Variants in EFCAB11 observed in about 807,000 individuals in gnomAD.
The protein encoded by EFCAB11 is EF-hand calcium binding domain 11.
A neutral mutation model predicts 23.0 loss-of-function variants in EFCAB11; 14 were observed. The ratio of observed to expected loss-of-function variants is 0.61; its 90% confidence interval spans 0.40 to 0.95. The LOEUF (loss-of-function observed/expected upper bound fraction) is 0.95. EFCAB11 is among the 40% of genes least tolerant of loss of function. EFCAB11 has a pLI of 0.00. For synonymous variants in EFCAB11, 65 were observed against 66.6 expected (o/e 0.98, Z 0.11); for missense variants, 198 against 195.8 (o/e 1.01, Z -0.07).
intron 5 of EFCAB11, among the ~76,000 whole-genome samples, chr14:89,816,763 T>C (rs1886350149): frequency 6.6e-6 from 1 of 152,118 alleles, no homozygotes; most frequent in Non-Finnish European, 1.5e-5. Context: ...GAAAGAAACA[T>C]CATTAATTGC....
At chr14:89,836,137 T>C (rs11850807) in intron 5 of EFCAB11, among the ~76,000 whole-genome samples, 10,627 of 152,036 alleles carry the variant, frequency 0.07, 400 homozygotes, top group South Asian at 0.11. Context: ...AGGTTTACAG[T>C]CTGAGAAAAC....
intron 5 of EFCAB11, among the ~76,000 whole-genome samples, chr14:89,880,917 T>C (rs1888578124): frequency 1.3e-5 from 2 of 152,178 alleles, no homozygotes; most frequent in Admixed American, 1.3e-4. Context: ...GGAAAGTTAC[T>C]GTGCTTCTGC....
At chr14:89,822,530 G>C (rs1437627377) in intron 5 of EFCAB11, among the ~76,000 whole-genome samples, 2 of 152,176 alleles carry the variant, frequency 1.3e-5, no homozygotes, top group Non-Finnish European at 1.5e-5. Context: ...GAGAGGCTGA[G>C]AGTCTAGAAT....
chr14:89,810,173 G>A (rs1886104431), intron 5 of EFCAB11, among the ~76,000 whole-genome samples: 1 of 152,202 alleles, frequency 6.6e-6, no homozygotes, highest in South Asian at 2.1e-4. Flanking sequence ...ATTTGGCACA[G>A]TGTCTGGCAC....
At chr14:89,804,801 T>G (rs1171225656) in intron 5 of EFCAB11, among the ~76,000 whole-genome samples, 4 of 152,166 alleles carry the variant, frequency 2.6e-5, no homozygotes, top group Non-Finnish European at 5.9e-5. Context: ...CTCTGAAGTT[T>G]GAAGTTCCAA....
chr14:89,872,006 G>A lies in EFCAB11; in HGVS notation c.410+59535C>T, dbSNP rs531536664. On this transcript the variant is annotated intron_variant, in intron 5 of 5. Coordinates refer to ENST00000316738, the MANE Select transcript of EFCAB11 (RefSeq NM_145231.4). The stretch of plus-strand genomic sequence containing the variant: ...AGGCTAGGCAGTGATTACATATGGA[G>A]AGATGGGCCCTGAACTAATGACTAA... Among the ~76,000 whole-genome samples, 3 of 152,332 alleles carry A rather than the reference G, an allele frequency of 2.0e-5. No individual in the cohort carries two copies. The South Asian group carries it at 6.2e-4, about 32-fold the overall frequency.
chr14:89,929,897 T>C (rs1157409198), intron 5 of EFCAB11, among the ~76,000 whole-genome samples: 1 of 152,226 alleles, frequency 6.6e-6, no homozygotes, highest in East Asian at 1.9e-4. Flanking sequence ...TTTTCAAAAA[T>C]CTCTATAAGG....
chr14:89,893,179 C>T (rs1421467836), intron 5 of EFCAB11, among the ~76,000 whole-genome samples: 2 of 152,202 alleles, frequency 1.3e-5, no homozygotes, highest in East Asian at 3.9e-4. Context: ...GAGAAGCCAG[C>T]GTCAGGAAGC....
chr14:89,866,805 T>A lies in EFCAB11; in HGVS notation c.410+64736A>T, dbSNP rs1566789571. Reference sequence around the variant, plus strand: ...TTTTTAAAAATGTTTTATTTATCTTTTTTTTATTTTTATTTTTTTGAGAGT... The same window carrying A: ...TTTTTAAAAATGTTTTATTTATCTTATTTTTATTTTTATTTTTTTGAGAGT... On this transcript the variant is annotated intron_variant, in intron 5 of 5. Coordinates refer to ENST00000316738, the MANE Select transcript of EFCAB11 (RefSeq NM_145231.4). 2.0e-5 allele frequency among the ~76,000 whole-genome samples: 3 copies of A among 152,186 alleles called. No homozygotes were observed. In the South Asian group the frequency reaches 6.2e-4, roughly 32 times the overall value.
intron 5 of EFCAB11, among the ~76,000 whole-genome samples, chr14:89,845,685 T>G (rs1320983772): frequency 6.6e-6 from 1 of 152,092 alleles, no homozygotes; most frequent in East Asian, 1.9e-4. Flanking sequence ...CCCCTGGCAG[T>G]GAAGGGCACT....
In EFCAB11 at chr14:89,849,583, T is replaced by C. The variant is rs74080147; in HGVS notation, c.411-52259A>G. On this transcript the variant is annotated intron_variant, in intron 5 of 5. Transcript: ENST00000316738. ...CTGTAGCTTCCGTAATAAGTATGCA[T>C]TGCTTTTGTAACAAGGAAATCTGTT... Among the ~76,000 whole-genome samples, 625 of 150,918 alleles carry C rather than the reference T, an allele frequency of 4.1e-3. 2 individuals carry two copies. The highest frequency in any genetic ancestry group is 0.014 in the African/African-American group (594 of 41,238).
In EFCAB11 at chr14:89,796,130, T is replaced by G. The variant is rs1035266683; in HGVS notation, c.*1113A>C. On this transcript the variant is annotated 3_prime_UTR_variant, in exon 6 of 6. Transcript: ENST00000316738. The stretch of plus-strand genomic sequence containing the variant: ...CTAAAGGGTTCTGCAAACATGTCTC[T>G]TGCCCCCAGTACCCTCATCACCCTG... 6.6e-6 allele frequency: 1 copy of G among 152,376 alleles called. No individual in the cohort carries two copies. Among genetic ancestry groups the G allele is most frequent in the East Asian group, 1.9e-4 (1 of 5,192 alleles). The allele number at this position is 152,376 out of a possible 1,614,324, so 9.4% of individuals were successfully genotyped here.
intron 5 of EFCAB11, among the ~76,000 whole-genome samples, chr14:89,820,099 A>G (rs1886460318): frequency 6.6e-6 from 1 of 152,194 alleles, no homozygotes; most frequent in African/African-American, 2.4e-5. Flanking sequence ...ATACAATATT[A>G]TTACAGCTAT....
intron 5 of EFCAB11, among the ~76,000 whole-genome samples, chr14:89,813,758 GT>G (rs1288998327): frequency 6.6e-6 from 1 of 151,844 alleles, no homozygotes; most frequent in Non-Finnish European, 1.5e-5. Context: ...GAAAATTCAT[GT>G]TTGATAAAAT....
At chr14:89,808,174 T>C (rs994135858) in intron 5 of EFCAB11, among the ~76,000 whole-genome samples, 8 of 152,186 alleles carry the variant, frequency 5.3e-5, no homozygotes, top group Non-Finnish European at 1.2e-4. Context: ...CCGGGAGTCC[T>C]GGCAATGAAT....
Position 89,796,671 on chromosome 14 carries a change from G to C in EFCAB11, c.*572C>G, listed in dbSNP as rs187596699. 1 of 152,494 alleles carries C rather than the reference G, an allele frequency of 6.6e-6. No homozygotes were observed. The allele number at this position is 152,494 out of a possible 1,614,324, so 9.4% of individuals were successfully genotyped here. On this transcript the variant is annotated 3_prime_UTR_variant, in exon 6 of 6. Coordinates refer to ENST00000316738, the MANE Select transcript of EFCAB11 (RefSeq NM_145231.4). ...TTGCTTGGAACATAGTAAGTATTCT[G>C]TATGTGTAGGTGCTATTATTTGTTC...
intron 5 of EFCAB11, among the ~76,000 whole-genome samples, chr14:89,822,379 T>G (rs1886551640): frequency 6.6e-6 from 1 of 152,188 alleles, no homozygotes; most frequent in Non-Finnish European, 1.5e-5. Context: ...CTGGCAGGAG[T>G]AGGTATTTAG....
intron 5 of EFCAB11, among the ~76,000 whole-genome samples, chr14:89,815,408 T>G (rs1053453064): frequency 3.9e-5 from 6 of 152,130 alleles, no homozygotes; most frequent in Non-Finnish European, 8.8e-5. Flanking sequence ...GTATCATAAT[T>G]AAAGGAATTT....
intron 5 of EFCAB11, among the ~76,000 whole-genome samples, chr14:89,808,377 G>A (rs192892484): frequency 6.6e-6 from 1 of 152,154 alleles, no homozygotes; most frequent in Admixed American, 6.5e-5. Context: ...ATAGATCTTG[G>A]TTATAGAAAA....
Sources: allele counts gnomAD v4.1 joint callset (sites outside exome capture counted in the v4.1 genomes callset), GRCh38; gene constraint gnomAD v4.1.1; transcripts MANE v1.5; gene names NCBI Gene and HGNC (gene_info 2026-07-23, HGNC 2026-07-21).